Variants in PIP5K1B observed in about 807,000 individuals in gnomAD.
PIP5K1B encodes the protein phosphatidylinositol-4-phosphate 5-kinase type 1 beta.
Under a neutral mutation model 67.0 loss-of-function variants are expected in PIP5K1B, and 42 were observed. That is an observed-to-expected ratio of 0.63 (90% confidence interval 0.49 to 0.81). The LOEUF (loss-of-function observed/expected upper bound fraction) is 0.81. Among genes scored for constraint, PIP5K1B ranks in the 30% least tolerant of loss-of-function variants. The probability of loss-of-function intolerance (pLI) is 0.00; values close to 1 mark genes in which losing one functional copy is unlikely to be tolerated. For missense variants in PIP5K1B, 459 were observed against 646.3 expected, an observed-to-expected ratio of 0.71 and a Z score of 3.14; for synonymous variants, 214 against 231.4, an observed-to-expected ratio of 0.92 and a Z score of 0.68.
At position 68,919,545 on chromosome 9, in the gene PIP5K1B, C is replaced by T; in HGVS notation, c.1050C>T (p.Asp350=). 1 of 1,585,656 alleles carries T rather than the reference C, an allele frequency of 6.3e-7. No homozygotes were observed. Among genetic ancestry groups the T allele is most frequent in the Middle Eastern group, 1.7e-4 (1 of 6,008 alleles). The change falls in exon 10 of 16, where the codon GAC becomes GAT. Residue 350 remains aspartate (D), a synonymous_variant. Transcript: ENST00000265382. ...EKLLLFMGII[D]ILQSYRLMKK... The stretch of plus-strand genomic sequence containing the variant: ...TACTTTTATTTATGGGCATTATTGA[C>T]ATTCTGCAATCATATAGGTAAGAAG...
intron 2 of PIP5K1B, among the ~76,000 whole-genome samples, chr9:68,785,589 A>G (rs892313873): frequency 2.0e-5 from 3 of 152,246 alleles, no homozygotes; most frequent in Admixed American, 1.3e-4. Context: ...CTAAGCAAAT[A>G]TATCAATGCA....
intron 4 of PIP5K1B, among the ~76,000 whole-genome samples, chr9:68,827,163 G>A (rs1427171993): frequency 2.0e-5 from 3 of 152,172 alleles, no homozygotes; most frequent in Admixed American, 6.5e-5. Context: ...ATGATTTGTT[G>A]GCATTACAGG....
At chr9:68,982,886 T>C (rs1369254095) in intron 14 of PIP5K1B, among the ~76,000 whole-genome samples, 1 of 152,236 alleles carries the variant, frequency 6.6e-6, no homozygotes, top group Non-Finnish European at 1.5e-5. Context: ...ACTCTTTTGA[T>C]AATTACATTT....
At chr9:68,844,865 G>A (rs746754502) in intron 4 of PIP5K1B, among the ~76,000 whole-genome samples, 97 of 152,148 alleles carry the variant, frequency 6.4e-4, no homozygotes, top group Admixed American at 1.2e-3. Context: ...TCTCAGTATC[G>A]GTCTCTAAGA....
intron 2 of PIP5K1B, among the ~76,000 whole-genome samples, chr9:68,746,041 C>T (rs1344774485): frequency 2.0e-5 from 3 of 146,540 alleles, no homozygotes; most frequent in East Asian, 2.0e-4. Context: ...TTAAGCTGTT[C>T]TTTCCCCACA....
intron 14 of PIP5K1B, among the ~76,000 whole-genome samples, chr9:68,971,472 T>C (rs1829365237): frequency 6.6e-6 from 1 of 152,258 alleles, no homozygotes; most frequent in Non-Finnish European, 1.5e-5. Context: ...CGTGTGTCTT[T>C]ATAGTAGAAT....
intron 2 of PIP5K1B, among the ~76,000 whole-genome samples, chr9:68,772,128 C>T (rs1215233086): frequency 2.0e-5 from 3 of 152,126 alleles, no homozygotes; most frequent in African/African-American, 4.8e-5. Flanking sequence ...AAAAAATTTC[C>T]CTAAGGCATG....
intron 14 of PIP5K1B, chr9:68,963,177 T>C: frequency 2.2e-6 from 1 of 456,268 alleles, no homozygotes. Context: ...CAAAAATTAT[T>C]AACAGGTTCA....
intron 2 of PIP5K1B, among the ~76,000 whole-genome samples, chr9:68,807,589 A>G (rs1832939387): frequency 6.6e-6 from 1 of 152,202 alleles, no homozygotes; most frequent in South Asian, 2.1e-4. Flanking sequence ...TTGGTTTCTC[A>G]ATAGAAAATG....
intron 2 of PIP5K1B, among the ~76,000 whole-genome samples, chr9:68,794,698 A>T (rs1293444382): frequency 2.0e-4 from 12 of 60,738 alleles, no homozygotes; most frequent in African/African-American, 3.3e-4. Context: ...CTGTAAATTA[A>T]AAAAAAAAAA....
intron 14 of PIP5K1B, among the ~76,000 whole-genome samples, chr9:68,957,886 T>C (rs201604759): frequency 6.7e-6 from 1 of 148,240 alleles, no homozygotes; most frequent in Non-Finnish European, 1.5e-5. Context: ...TTTTTTTTTT[T>C]CTCTTTAGAC....
intron 2 of PIP5K1B, chr9:68,784,096 C>A: frequency 6.0e-6 from 1 of 167,134 alleles, no homozygotes. Context: ...TAAGCTTATT[C>A]TTCTATATAG....
At chr9:68,831,857 A>G (rs950817916) in intron 4 of PIP5K1B, among the ~76,000 whole-genome samples, 1 of 152,006 alleles carries the variant, frequency 6.6e-6, no homozygotes, top group Non-Finnish European at 1.5e-5. Flanking sequence ...TTTTATTTTT[A>G]GTAGAGACAG....
intron 14 of PIP5K1B, among the ~76,000 whole-genome samples, chr9:68,951,548 A>T (rs1468148225): frequency 6.6e-6 from 1 of 152,190 alleles, no homozygotes; most frequent in Admixed American, 6.5e-5. Flanking sequence ...GTCAAAGCTC[A>T]TTTAGGGAAC....
chr9:68,874,054 G>A (rs1823758583), intron 5 of PIP5K1B, among the ~76,000 whole-genome samples: 1 of 152,212 alleles, frequency 6.6e-6, no homozygotes, highest in Admixed American at 6.5e-5. Flanking sequence ...CAAATACAGA[G>A]GTTCAAGAGT....
At position 68,920,359 on chromosome 9, in the gene PIP5K1B, C is replaced by CTTTTTTTTTTTTTTTTTT. The variant is rs5898051; in HGVS notation, c.1116+639_1116+656dup. Among the ~76,000 whole-genome samples, 106 of 98,370 alleles carry CTTTTTTTTTTTTTTTTTT rather than the reference C, an allele frequency of 1.1e-3. 37 individuals are homozygous for CTTTTTTTTTTTTTTTTTT. Among genetic ancestry groups the CTTTTTTTTTTTTTTTTTT allele is most frequent in the African/African-American group, 3.1e-3 (85 of 27,488 alleles). The allele number at this position is 98,370 out of a possible 152,430, so 64.5% of individuals were successfully genotyped here. On this transcript the variant is annotated intron_variant, in intron 11 of 15. Transcript: ENST00000265382. ...ATACATGCTGGCTGCCTGAGGTTGT[C>CTTTTTTTTTTTTTTTTTT]TTTTTTTTTTTTTTTTTTTTTTTTT...
chr9:68,712,250 C>T (rs542324359), intron 1 of PIP5K1B, among the ~76,000 whole-genome samples: 1 of 152,350 alleles, frequency 6.6e-6, no homozygotes, highest in South Asian at 2.1e-4. Context: ...CCTTCACCTT[C>T]CGCCATGACT....
intron 12 of PIP5K1B, among the ~76,000 whole-genome samples, chr9:68,928,965 C>A (rs919871550): frequency 1.3e-5 from 2 of 152,052 alleles, no homozygotes; most frequent in Non-Finnish European, 2.9e-5. Context: ...GAGTTCGAGA[C>A]CAGCCTGACC....
chr9:68,999,653 T>G (rs1587786621), intron 15 of PIP5K1B, among the ~76,000 whole-genome samples: 1 of 152,072 alleles, frequency 6.6e-6, no homozygotes, highest in African/African-American at 2.4e-5. Context: ...CTGGAATTCT[T>G]GTATGCTAAT....
Sources: allele counts gnomAD v4.1 joint callset (sites outside exome capture counted in the v4.1 genomes callset), GRCh38; gene constraint gnomAD v4.1.1; transcripts MANE v1.5; gene names NCBI Gene and HGNC (gene_info 2026-07-23, HGNC 2026-07-21).